CPNE8: variants seen among roughly 807,000 people sequenced by gnomAD.
CPNE8 encodes the protein copine 8.
In CPNE8, 45 loss-of-function variants were observed where a neutral mutation model predicts 81.5. The observed-to-expected ratio is 0.55, with a 90% confidence interval of 0.44 to 0.71. The LOEUF is 0.71. Ranked by LOEUF, CPNE8 falls within the 30% of genes least tolerant of loss-of-function variation. CPNE8 has a pLI of 0.00. For missense variants in CPNE8, 594 were observed against 672.1 expected (o/e 0.88, Z 1.28); for synonymous variants, 252 against 226.3 (o/e 1.11, Z -1.02).
chr12:38,885,575 C>T (rs960573885), intron 1 of CPNE8, among the ~76,000 whole-genome samples: 9 of 152,090 alleles, frequency 5.9e-5, no homozygotes, highest in Middle Eastern at 3.4e-3. Flanking sequence ...GTGAGAAGAA[C>T]GAAAACAAGG....
At chr12:38,822,817 T>TA (rs1289178044) in intron 6 of CPNE8, among the ~76,000 whole-genome samples, 1 of 152,146 alleles carries the variant, frequency 6.6e-6, no homozygotes, top group Non-Finnish European at 1.5e-5. Context: ...AGCAAGTTAG[T>TA]AGCAGAGATA....
intron 4 of CPNE8, among the ~76,000 whole-genome samples, chr12:38,846,049 T>C (rs1417628935): frequency 6.6e-6 from 1 of 152,224 alleles, no homozygotes; most frequent in Non-Finnish European, 1.5e-5. Context: ...AGTTAAAATA[T>C]ATCCATTTAC....
rs185484949 is a variant in CPNE8 at position 38,657,557 on chromosome 12, C to T, written c.1507-3487G>A. ...CAGCACGGCGTTTGAGCTCTGAGAACGAACAGACTGCCTCCTCAAGTGGGT... is the reference window on the plus strand; with the variant it reads ...CAGCACGGCGTTTGAGCTCTGAGAATGAACAGACTGCCTCCTCAAGTGGGT... On this transcript the variant is annotated intron_variant, in intron 19 of 19. Coordinates refer to ENST00000331366, the MANE Select transcript of CPNE8 (RefSeq NM_153634.3). Among the ~76,000 whole-genome samples the T allele has an allele frequency of 4.7e-4, 72 of 152,278 alleles. No individual in the cohort carries two copies. In the East Asian group the frequency reaches 0.01, roughly 22 times the overall value.
intron 7 of CPNE8, 36 bp downstream of exon 7, chr12:38,776,201 TG>T: frequency 1.8e-6 from 2 of 1,093,870 alleles, no homozygotes; most frequent in South Asian, 1.6e-5. Flanking sequence ...ATTTGAAGTA[TG>T]GAAGTATTTT....
In CPNE8 at chr12:38,685,490, C is replaced by G; in HGVS notation, c.1271G>C (p.Arg424Thr). 1 of 1,612,632 alleles carries G rather than the reference C, an allele frequency of 6.2e-7. No individual in the cohort carries two copies. Among genetic ancestry groups the G allele is most frequent in the Non-Finnish European group, 8.5e-7 (1 of 1,179,182 alleles). The change falls in exon 16 of 20, where the codon AGA (arginine) becomes ACA (threonine). Residue 424 changes from arginine (R) to threonine (T), a missense_variant and splice_region_variant. By Grantham distance (71) the Arg-to-Thr change is moderately conservative. Coordinates refer to ENST00000331366, the MANE Select transcript of CPNE8 (RefSeq NM_153634.3). ...AGCACCTTGTCTACTCTCTACTTACCTTGCTACATGATTAATTACAGGAGC... is the reference window on the plus strand; with the variant it reads ...AGCACCTTGTCTACTCTCTACTTACGTTGCTACATGATTAATTACAGGAGC... ...NFAPVINHVA[R>T]YASSVKDGSQ...
At chr12:38,833,663 A>G (rs1326958483) in intron 5 of CPNE8, among the ~76,000 whole-genome samples, 1 of 151,828 alleles carries the variant, frequency 6.6e-6, no homozygotes, top group Non-Finnish European at 1.5e-5. Flanking sequence ...TATTTTTAGT[A>G]GAGACGGGGT....
At chr12:38,659,940 A>C (rs1437651915) in intron 19 of CPNE8, among the ~76,000 whole-genome samples, 4 of 152,200 alleles carry the variant, frequency 2.6e-5, no homozygotes, top group African/African-American at 9.7e-5. Flanking sequence ...GAGAACTACA[A>C]ACCACTGCTC....
intron 6 of CPNE8, among the ~76,000 whole-genome samples, chr12:38,778,106 C>T (rs1941972488): frequency 1.3e-5 from 2 of 152,068 alleles, no homozygotes; most frequent in Admixed American, 1.3e-4. Context: ...ATAATTATTT[C>T]ATTATAATAT....
chr12:38,846,747 T>A lies in CPNE8; in HGVS notation c.290+1812A>T, dbSNP rs928016317. Among the ~76,000 whole-genome samples, 17 of 152,108 alleles carry A rather than the reference T, an allele frequency of 1.1e-4. 1 individual carries two copies. The highest frequency in any genetic ancestry group is 5.9e-5 in the Non-Finnish European group (4 of 68,002). On this transcript the variant is annotated intron_variant, in intron 4 of 19. Transcript: ENST00000331366. ...TGTCTGCATCCTATAATCCTAAAAT[T>A]TGGCTGTAAGTCATTTGTCCTCTGA...
intron 10 of CPNE8, among the ~76,000 whole-genome samples, chr12:38,735,073 G>C (rs148389685): frequency 1.2e-4 from 19 of 152,134 alleles, no homozygotes; most frequent in African/African-American, 4.3e-4. Context: ...GGATGCTGAA[G>C]GGATTTTGGA....
chr12:38,767,548 C>T, intron 8 of CPNE8, 87 bp downstream of exon 8: 1 of 769,084 alleles, frequency 1.3e-6, no homozygotes, highest in Non-Finnish European at 2.0e-6. Flanking sequence ...CTTCATTTAT[C>T]AATTTAATGA....
At chr12:38,875,162 T>C (rs1000867799) in intron 1 of CPNE8, among the ~76,000 whole-genome samples, 3 of 152,148 alleles carry the variant, frequency 2.0e-5, no homozygotes, top group Admixed American at 1.3e-4. Flanking sequence ...AATCAGAAAG[T>C]AGGAAAGCCT....
intron 6 of CPNE8, among the ~76,000 whole-genome samples, chr12:38,792,941 A>G (rs1007592918): frequency 1.3e-5 from 2 of 151,978 alleles, no homozygotes; most frequent in African/African-American, 4.8e-5. Flanking sequence ...ATGAAAATCA[A>G]TCAATGTAAT....
chr12:38,881,103 G>C (rs949933941), intron 1 of CPNE8, among the ~76,000 whole-genome samples: 4 of 151,868 alleles, frequency 2.6e-5, no homozygotes, highest in Non-Finnish European at 5.9e-5. Context: ...CCGGCTACTC[G>C]GGAGGCTAAG....
intron 3 of CPNE8, among the ~76,000 whole-genome samples, chr12:38,855,274 G>A (rs1411238404): frequency 5.9e-5 from 9 of 151,942 alleles, no homozygotes; most frequent in Non-Finnish European, 8.8e-5. Context: ...CTATGTTCAT[G>A]GACTGAAAAT....
At chr12:38,823,860 A>C (rs1480696221) in intron 6 of CPNE8, among the ~76,000 whole-genome samples, 10 of 152,218 alleles carry the variant, frequency 6.6e-5, no homozygotes, top group Admixed American at 6.5e-4. Context: ...CATCACAGAA[A>C]ATTGGATACA....
intron 6 of CPNE8, among the ~76,000 whole-genome samples, chr12:38,787,021 A>G (rs1426764398): frequency 1.3e-5 from 2 of 152,194 alleles, no homozygotes; most frequent in Non-Finnish European, 2.9e-5. Flanking sequence ...AGACTTGAAC[A>G]TCCCATTTCC....
intron 4 of CPNE8, among the ~76,000 whole-genome samples, chr12:38,845,223 TAA>T (rs1943538023): frequency 6.6e-6 from 1 of 152,160 alleles, no homozygotes; most frequent in African/African-American, 2.4e-5. Flanking sequence ...CCAGCATCAA[TAA>T]AGTTTCTTTC....
intron 1 of CPNE8, among the ~76,000 whole-genome samples, chr12:38,902,677 G>A (rs1469006030): frequency 6.6e-6 from 1 of 152,162 alleles, no homozygotes; most frequent in African/African-American, 2.4e-5. Context: ...GAGAAAGCGG[G>A]AACAGGTATC....
Sources: allele counts gnomAD v4.1 joint callset (sites outside exome capture counted in the v4.1 genomes callset), GRCh38; gene constraint gnomAD v4.1.1; transcripts MANE v1.5; gene names NCBI Gene and HGNC (gene_info 2026-07-23, HGNC 2026-07-21).